The following ZBTB44 variants were observed in gnomAD, a reference collection of about 807,000 sequenced individuals.
ZBTB44 encodes zinc finger and BTB domain containing 44, also known as zinc finger and BTB domain-containing protein 44.
Under a neutral mutation model 54.0 loss-of-function variants are expected in ZBTB44, and 15 were observed. The ratio of observed to expected loss-of-function variants is 0.28; its 90% CI spans 0.19 to 0.43. ZBTB44 has a LOEUF of 0.43. ZBTB44 is among the 20% of genes least tolerant of loss of function. The probability of loss-of-function intolerance (pLI) is 1.00; values close to 1 mark genes in which losing one functional copy is unlikely to be tolerated. For synonymous variants in ZBTB44, 230 were observed against 250.1 expected (o/e 0.92, Z 0.76); for missense variants, 487 against 707.1 (o/e 0.69, Z 3.53).
At chr11:130,280,869 T>A (rs1940451769) in intron 1 of ZBTB44, among the ~76,000 whole-genome samples, 1 of 152,258 alleles carries the variant, frequency 6.6e-6, no homozygotes. Context: ...CTTGCCTTTT[T>A]GCACCAGTGA....
intron 7 of ZBTB44, 192 bp from the exon 8 acceptor site, chr11:130,231,907 T>TA (rs1248526646): frequency 6.6e-6 from 1 of 152,176 alleles, no homozygotes; most frequent in African/African-American, 2.4e-5. Context: ...CTGCAGAAAG[T>TA]AATGCAACCC....
intron 1 of ZBTB44, among the ~76,000 whole-genome samples, chr11:130,313,320 G>C (rs932583556): frequency 1.3e-5 from 2 of 152,104 alleles, no homozygotes; most frequent in Non-Finnish European, 2.9e-5. Context: ...AAAATGCCAA[G>C]CAGTACTGCA....
At chr11:130,275,826 C>T (rs1161230257) in intron 1 of ZBTB44, among the ~76,000 whole-genome samples, 1 of 152,046 alleles carries the variant, frequency 6.6e-6, no homozygotes, top group East Asian at 2.0e-4. Flanking sequence ...CAGGGTTTCA[C>T]CATGATGGCC....
chr11:130,262,137 TTTTTG>T lies in ZBTB44; in HGVS notation c.-56-213_-56-209del, dbSNP rs553306822. Among the ~76,000 whole-genome samples the T allele has an allele frequency of 2.9e-3, 446 of 152,224 alleles. 1 individual carries two copies. Among genetic ancestry groups the T allele is most frequent in the Non-Finnish European group, 4.7e-3 (318 of 67,994 alleles). ...AGTGAAGTCTGTGAACCAATGTTTT[TTTTTG>T]TTTTGTTTTGTTTTTGAGACAGAGT... is the stretch of plus-strand genomic sequence containing the variant. On this transcript the variant is annotated intron_variant, in intron 1 of 7. Transcript: ENST00000357899.
At position 130,261,011 on chromosome 11, in the gene ZBTB44, C is replaced by T. The variant is rs776379707; in HGVS notation, c.863G>A (p.Arg288Gln). Residue 288 changes from arginine (R) to glutamine (Q), a missense_variant, in exon 2 of 8, where the codon CGG becomes CAG. Physicochemically the swap from Arg to Gln is conservative, Grantham distance 43. Coordinates refer to ENST00000357899, the MANE Select transcript of ZBTB44 (RefSeq NM_001301098.2). The surrounding 1 kb of genome is among the most constrained non-coding windows in gnomAD (Gnocchi z 4.8). The stretch of plus-strand genomic sequence containing the variant: ...ATCACTTAATCTTTCTACTTTGACC[C>T]GGACATCTTCTTCGGTACCTAAAGG... ...TLPLGTEEDV[R>Q]VKVERLSDEE... 1.1e-5 allele frequency: 17 copies of T among 1,613,968 alleles called. No homozygotes were observed. The highest frequency in any genetic ancestry group is 9.9e-5 in the South Asian group (9 of 91,088).
At chr11:130,313,125 G>C (rs1203270862) in intron 1 of ZBTB44, among the ~76,000 whole-genome samples, 2 of 152,148 alleles carry the variant, frequency 1.3e-5, no homozygotes, top group Non-Finnish European at 2.9e-5. Context: ...AAGTACGGTA[G>C]AAAGTACACG....
intron 1 of ZBTB44, among the ~76,000 whole-genome samples, chr11:130,269,563 T>TG (rs1939521128): frequency 6.6e-6 from 1 of 152,308 alleles, no homozygotes; most frequent in Non-Finnish European, 1.5e-5. Context: ...CTTGTGAAAG[T>TG]GGTATGTTGC....
Position 130,299,918 on chromosome 11 carries a change from C to T in ZBTB44, c.-57+14457G>A, listed in dbSNP as rs1421949739. Among the ~76,000 whole-genome samples, 4 of 152,196 alleles carry T rather than the reference C, an allele frequency of 2.6e-5. No individual in the cohort carries two copies. In the Middle Eastern group the frequency reaches 0.01, roughly 388 times the overall value. ...AAGGTAGAAGCAACCCAAATGTCCA[C>T]AAGAGATGAATGAATTAATGAGATG... On this transcript the variant is annotated intron_variant, in intron 1 of 7. Transcript: ENST00000357899.
Position 130,261,456 on chromosome 11 carries a change from C to G in ZBTB44, c.418G>C (p.Gly140Arg), listed in dbSNP as rs763021131. The G allele has an allele frequency of 2.5e-6, 4 of 1,613,860 alleles. No homozygotes were observed. Among genetic ancestry groups the G allele is most frequent in the Non-Finnish European group, 3.4e-6 (4 of 1,179,878 alleles). The change falls in exon 2 of 8, where the codon GGT (glycine) becomes CGT (arginine). Residue 140 changes from glycine to arginine, a missense_variant. Around this residue, in one of 3 missense-constraint regions of ZBTB44, gnomAD observed 277 missense variants for 306.5 expected, o/e 0.90. Transcript: ENST00000357899. The surrounding 1 kb of genome is among the most constrained non-coding windows in gnomAD (Gnocchi z 4.8). The stretch of plus-strand genomic sequence containing the variant: ...TTATTTTCTTGTCCAGCATCTAGAC[C>G]CTTTTCAGGTTGGCTGTTGGGTGTA... Reference protein sequence around the residue: ...WNTPNSQPEKGLDAGQENNSN... With the variant: ...WNTPNSQPEKRLDAGQENNSN...
chr11:130,231,028 A>AAGAT lies in ZBTB44; in HGVS notation c.*732_*735dup, dbSNP rs1953857838. 1 of 152,154 alleles carries AAGAT rather than the reference A, an allele frequency of 6.6e-6. No homozygotes were observed. Among genetic ancestry groups the AAGAT allele is most frequent in the Non-Finnish European group, 1.5e-5 (1 of 67,978 alleles). 9.4% of individuals were successfully genotyped at this position (152,154 alleles called of 1,614,324 possible). ...CAAAGTTACCCTCCTGGCCTTAAGA[A>AAGAT]AGATAGCTACGTTTAAGCACTCTAA... On this transcript the variant is annotated 3_prime_UTR_variant, in exon 8 of 8. Coordinates refer to ENST00000357899, the MANE Select transcript of ZBTB44 (RefSeq NM_001301098.2).
chr11:130,312,221 T>A (rs1238238188), intron 1 of ZBTB44, among the ~76,000 whole-genome samples: 1 of 152,174 alleles, frequency 6.6e-6, no homozygotes, highest in African/African-American at 2.4e-5. Flanking sequence ...TAAAAACCAC[T>A]AAGCAAAAGA....
chr11:130,273,487 A>AT, intron 1 of ZBTB44, among the ~76,000 whole-genome samples: 1 of 151,434 alleles, frequency 6.6e-6, no homozygotes, highest in East Asian at 2.0e-4. Flanking sequence ...TAATTTTTGT[A>AT]TTTTTTGTAG....
intron 1 of ZBTB44, among the ~76,000 whole-genome samples, chr11:130,277,099 CTCTG>C (rs763533892): frequency 2.8e-4 from 43 of 152,230 alleles, no homozygotes; most frequent in Non-Finnish European, 4.0e-4. Context: ...GTCTGACAAT[CTCTG>C]TCTTTTGATT....
intron 1 of ZBTB44, among the ~76,000 whole-genome samples, chr11:130,265,814 C>G (rs993178057): frequency 6.6e-6 from 1 of 152,136 alleles, no homozygotes; most frequent in African/African-American, 2.4e-5. Flanking sequence ...GAGGAAGCTG[C>G]AGAAGAAAAG....
intron 2 of ZBTB44, among the ~76,000 whole-genome samples, chr11:130,253,254 A>G (rs1459075913): frequency 1.3e-5 from 2 of 152,198 alleles, no homozygotes; most frequent in Admixed American, 6.5e-5. Context: ...AGGGTATTCA[A>G]TTACGAAAAG....
chr11:130,267,472 C>A (rs983199977), intron 1 of ZBTB44, among the ~76,000 whole-genome samples: 34 of 152,092 alleles, frequency 2.2e-4, no homozygotes, highest in Admixed American at 1.2e-3. Context: ...GTGGCATGAT[C>A]ATGGCTCACC....
intron 1 of ZBTB44, among the ~76,000 whole-genome samples, chr11:130,290,412 A>G (rs1941232545): frequency 6.6e-6 from 1 of 152,230 alleles, no homozygotes; most frequent in South Asian, 2.1e-4. Flanking sequence ...TAATTACAAC[A>G]GCCACAGAAA....
intron 1 of ZBTB44, among the ~76,000 whole-genome samples, chr11:130,302,457 G>A (rs1226849421): frequency 6.6e-6 from 1 of 152,188 alleles, no homozygotes; most frequent in Admixed American, 6.5e-5. Flanking sequence ...GGAAGAATGG[G>A]TTAGTTTTAT....
Position 130,296,952 on chromosome 11 carries a change from G to C in ZBTB44, c.-57+17423C>G, listed in dbSNP as rs12288786. 7,352 of 746,280 alleles carry C rather than the reference G, an allele frequency of 9.9e-3. 367 individuals are homozygous for C. In the African/African-American group the frequency reaches 0.11, roughly 11 times the overall value. The allele number at this position is 746,280 out of a possible 1,614,324, so 46.2% of individuals were successfully genotyped here. A position where few individuals can be genotyped will look rare whatever the true frequency, so the allele number is the denominator to read the frequency against. ...TGAAGGCAAGCAGAAAAAGCGAGGA[G>C]GTGGTGGTGGATTTGACTACCAGAA... is the stretch of plus-strand genomic sequence containing the variant. On this transcript the variant is annotated intron_variant, in intron 1 of 7. Coordinates refer to ENST00000357899, the MANE Select transcript of ZBTB44 (RefSeq NM_001301098.2).
Sources: gnomAD v4.1 joint callset for allele counts (sites outside exome capture counted in the v4.1 genomes callset) on GRCh38, gnomAD v4.1.1 for gene constraint, gnomAD v4.1.1 regional missense constraint, Gnocchi (gnomAD v3.1) non-coding constraint, MANE v1.5 for transcripts, NCBI Gene and HGNC (gene_info 2026-07-23, HGNC 2026-07-21) for gene names.